ARB2A: variants seen among roughly 807,000 people sequenced by gnomAD.
The protein encoded by ARB2A is cotranscriptional regulator ARB2A.
At chr5:93,936,600 T>C in the ARB2A span, among the ~76,000 whole-genome samples, 1 of 152,166 alleles carries the variant, frequency 6.6e-6, no homozygotes, top group Non-Finnish European at 1.5e-5. Flanking sequence ...AACAAAAAAG[T>C]ATAATTGTTG....
chr5:94,026,419 G>A, the ARB2A span, among the ~76,000 whole-genome samples: 1 of 152,054 alleles, frequency 6.6e-6, no homozygotes, highest in East Asian at 1.9e-4. Flanking sequence ...GGGCAAAGAA[G>A]AATTTCATTG....
the ARB2A span, among the ~76,000 whole-genome samples, chr5:93,932,003 A>C: frequency 1.3e-5 from 2 of 152,222 alleles, no homozygotes; most frequent in Non-Finnish European, 2.9e-5. Flanking sequence ...TGTATAAATA[A>C]AGCACATTTT....
At chr5:93,946,807 A>G in the ARB2A span, among the ~76,000 whole-genome samples, 1 of 152,134 alleles carries the variant, frequency 6.6e-6, no homozygotes, top group Non-Finnish European at 1.5e-5. Flanking sequence ...ATATATTTAA[A>G]TGTACATTTA....
the ARB2A span, among the ~76,000 whole-genome samples, chr5:93,799,663 T>C: frequency 6.6e-6 from 1 of 152,154 alleles, no homozygotes; most frequent in African/African-American, 2.4e-5. Flanking sequence ...TGCTTGTACA[T>C]GGTTAGTACC....
chr5:93,824,941 T>A, the ARB2A span, among the ~76,000 whole-genome samples: 1 of 152,240 alleles, frequency 6.6e-6, no homozygotes. Flanking sequence ...CCCCCCAAAC[T>A]GTTGCCAGAA....
chr5:93,659,747 T>C, the ARB2A span, among the ~76,000 whole-genome samples: 8 of 152,272 alleles, frequency 5.3e-5, no homozygotes, highest in Middle Eastern at 3.4e-3. Context: ...GTAGTTATAA[T>C]GGTCTTGAAG....
At chr5:93,759,570 A>AAT in the ARB2A span, among the ~76,000 whole-genome samples, 1 of 152,330 alleles carries the variant, frequency 6.6e-6, no homozygotes, top group Non-Finnish European at 1.5e-5. Context: ...GTTTCATGCC[A>AAT]GGAATGCAGG....
At chr5:93,708,009 T>C in the ARB2A span, among the ~76,000 whole-genome samples, 1 of 152,266 alleles carries the variant, frequency 6.6e-6, no homozygotes, top group Non-Finnish European at 1.5e-5. Flanking sequence ...TCAGTAGTGC[T>C]ATGAATGCCC....
chr5:94,028,535 TA>T, the ARB2A span, among the ~76,000 whole-genome samples: 1 of 152,266 alleles, frequency 6.6e-6, no homozygotes, highest in Middle Eastern at 3.4e-3. Flanking sequence ...CCAAGAACAC[TA>T]AAATGAAGCC....
At chr5:93,759,043 C>A in the ARB2A span, among the ~76,000 whole-genome samples, 3 of 152,096 alleles carry the variant, frequency 2.0e-5, no homozygotes, top group Non-Finnish European at 4.4e-5. Flanking sequence ...CAAATAACCT[C>A]ACTAAGAAAC....
At chr5:93,881,910 C>T in the ARB2A span, among the ~76,000 whole-genome samples, 1 of 150,182 alleles carries the variant, frequency 6.7e-6, no homozygotes, top group Non-Finnish European at 1.5e-5. Context: ...TTTATAAGAA[C>T]AAAAAATATA....
chr5:94,049,553 T>C, the ARB2A span, among the ~76,000 whole-genome samples: 1 of 147,120 alleles, frequency 6.8e-6, no homozygotes, highest in African/African-American at 2.5e-5. Context: ...CAAAAAAAAA[T>C]TAGGTGAAAC....
chr5:93,936,678 G>T, the ARB2A span, among the ~76,000 whole-genome samples: 4 of 152,072 alleles, frequency 2.6e-5, no homozygotes, highest in African/African-American at 7.2e-5. Context: ...AAAGAAAGAT[G>T]AATACTTTGG....
the ARB2A span, among the ~76,000 whole-genome samples, chr5:93,925,543 CT>C: frequency 5.9e-5 from 9 of 152,144 alleles, no homozygotes; most frequent in African/African-American, 2.2e-4. Context: ...GATTCATATC[CT>C]GAGTAAAACA....
the ARB2A span, among the ~76,000 whole-genome samples, chr5:94,028,283 A>T: frequency 6.6e-6 from 1 of 152,158 alleles, no homozygotes; most frequent in Admixed American, 6.5e-5. Context: ...GCATGAGAAA[A>T]TCATGGAGGA....
the ARB2A span, among the ~76,000 whole-genome samples, chr5:93,706,643 G>A: frequency 4.6e-5 from 7 of 151,982 alleles, no homozygotes; most frequent in Admixed American, 3.3e-4. Flanking sequence ...CGAGACTGGC[G>A]CATCACAAGG....
At chr5:93,846,037 A>AT in the ARB2A span, among the ~76,000 whole-genome samples, 1 of 138,034 alleles carries the variant, frequency 7.2e-6, no homozygotes, top group South Asian at 2.4e-4. Flanking sequence ...ACACACACAC[A>AT]ATCACACAAC....
the ARB2A span, among the ~76,000 whole-genome samples, chr5:93,838,749 G>T: frequency 6.6e-6 from 1 of 152,032 alleles, no homozygotes; most frequent in African/African-American, 2.4e-5. Context: ...TCATTGGGGA[G>T]ACCTTTTACT....
At chr5:94,046,452 G>A in the ARB2A span, among the ~76,000 whole-genome samples, 3 of 152,024 alleles carry the variant, frequency 2.0e-5, no homozygotes, top group African/African-American at 7.2e-5. Flanking sequence ...GAACAGTGGG[G>A]TGGGGGGATA....
Sources: allele counts gnomAD v4.1 joint callset (sites outside exome capture counted in the v4.1 genomes callset), GRCh38; gene constraint gnomAD v4.1.1; transcripts MANE v1.5; gene names NCBI Gene and HGNC (gene_info 2026-07-23, HGNC 2026-07-21).